TAFA4: variants seen among roughly 807,000 people sequenced by gnomAD.
The protein encoded by TAFA4 is chemokine-like protein TAFA-4.
A neutral mutation model predicts 21.1 loss-of-function variants in TAFA4; 20 were observed. The observed-to-expected ratio is 0.95, with a 90% confidence interval of 0.67 to 1.38. The LOEUF (loss-of-function observed/expected upper bound fraction) is 1.38. Ranked by LOEUF, TAFA4 falls within the 40% of genes most tolerant of loss-of-function variation. The probability of loss-of-function intolerance (pLI) is 0.00; values close to 1 mark genes in which losing one functional copy is unlikely to be tolerated. For synonymous variants in TAFA4, 71 were observed against 67.4 expected (o/e 1.05, Z -0.26); for missense variants, 211 against 180.9 (o/e 1.17, Z -0.95).
intron 1 of TAFA4, among the ~76,000 whole-genome samples, chr3:68,923,562 A>G (rs1359034182): frequency 1.3e-5 from 2 of 152,184 alleles, no homozygotes; most frequent in African/African-American, 2.4e-5. Flanking sequence ...ATGATTATCA[A>G]TTGACAAAGG....
At chr3:68,788,272 C>G (rs1168356558) in intron 3 of TAFA4, among the ~76,000 whole-genome samples, 4 of 152,168 alleles carry the variant, frequency 2.6e-5, no homozygotes, top group African/African-American at 9.7e-5. Flanking sequence ...TGCTGCTCCT[C>G]AAACATGCCA....
chr3:68,785,155 G>A (rs1274687460), intron 3 of TAFA4, among the ~76,000 whole-genome samples: 1 of 152,230 alleles, frequency 6.6e-6, no homozygotes, highest in Non-Finnish European at 1.5e-5. Context: ...TAAACATTGA[G>A]CTAGATACAG....
intron 1 of TAFA4, among the ~76,000 whole-genome samples, chr3:68,897,449 A>C (rs2089803068): frequency 6.6e-6 from 1 of 151,712 alleles, no homozygotes; most frequent in Admixed American, 6.6e-5. Flanking sequence ...AACATGGTGA[A>C]ACCCCATCTC....
At chr3:68,803,856 G>A (rs1703628612) in intron 3 of TAFA4, among the ~76,000 whole-genome samples, 1 of 128,556 alleles carries the variant, frequency 7.8e-6, no homozygotes. Context: ...CTAGGCTGGA[G>A]GGCAGTGGTG....
chr3:68,758,155 T>G lies in TAFA4; in HGVS notation c.131-5137A>C, dbSNP rs113843428. ...ACCAAGTAGAGCCTAAAATGGCATC[T>G]CCACCTCAGCAAGTCATGGGACATA... On this transcript the variant is annotated intron_variant, in intron 3 of 5. Coordinates refer to ENST00000295569, the MANE Select transcript of TAFA4 (RefSeq NM_182522.5). Among the ~76,000 whole-genome samples the G allele has an allele frequency of 6.9e-3, 1,051 of 152,356 alleles. 9 individuals carry two copies. The highest frequency in any genetic ancestry group is 0.024 in the African/African-American group (998 of 41,584).
chr3:68,808,452 C>A (rs1167494361), intron 3 of TAFA4, among the ~76,000 whole-genome samples: 1 of 152,184 alleles, frequency 6.6e-6, no homozygotes, highest in Admixed American at 6.5e-5. Flanking sequence ...CAAGTGTTGA[C>A]TATCTAGACC....
At chr3:68,853,158 T>G (rs1412142173) in intron 3 of TAFA4, among the ~76,000 whole-genome samples, 1 of 152,178 alleles carries the variant, frequency 6.6e-6, no homozygotes, top group Non-Finnish European at 1.5e-5. Context: ...CAGATAGATA[T>G]AAACTTAGAG....
chr3:68,858,600 G>GTGTGTGTA (rs1553648259), intron 3 of TAFA4, among the ~76,000 whole-genome samples: 1 of 151,624 alleles, frequency 6.6e-6, no homozygotes, highest in Non-Finnish European at 1.5e-5. Context: ...GTGTGTGTGT[G>GTGTGTGTA]TGTGTGTGTG....
chr3:68,761,311 ATGC>A (rs1702751496), intron 3 of TAFA4, among the ~76,000 whole-genome samples: 1 of 152,176 alleles, frequency 6.6e-6, no homozygotes, highest in Non-Finnish European at 1.5e-5. Flanking sequence ...TGACAAGCAC[ATGC>A]TAATATAACA....
rs1387071882 is a variant in TAFA4 at position 68,753,030 on chromosome 3, TG to T, written c.131-13del. ...GATTTGGTGGTGACCTAGTTGGTAA[TG>T]GGGGAGAAAAACAAACCCAGTGCTG... is the stretch of plus-strand genomic sequence containing the variant. On this transcript the variant is annotated splice_polypyrimidine_tract_variant and intron_variant, in intron 3 of 5. Transcript: ENST00000295569. 2 of 1,610,110 alleles carry T rather than the reference TG, an allele frequency of 1.2e-6. No individual in the cohort carries two copies. Among genetic ancestry groups the T allele is most frequent in the Non-Finnish European group, 8.5e-7 (1 of 1,177,184 alleles).
At chr3:68,786,841 T>C (rs1024211448) in intron 3 of TAFA4, among the ~76,000 whole-genome samples, 18 of 152,202 alleles carry the variant, frequency 1.2e-4, no homozygotes, top group African/African-American at 3.6e-4. Context: ...TGGGTAGGTC[T>C]GAGAAAATTT....
chr3:68,882,051 G>C (rs2089624835), intron 2 of TAFA4, among the ~76,000 whole-genome samples: 1 of 152,154 alleles, frequency 6.6e-6, no homozygotes, highest in African/African-American at 2.4e-5. Context: ...ATTGATTTGA[G>C]ATTTGGTCTG....
intron 3 of TAFA4, among the ~76,000 whole-genome samples, chr3:68,821,340 T>TAAGAGAAAACAAG (rs1559532889): frequency 1.5e-4 from 2 of 13,060 alleles, no homozygotes; most frequent in African/African-American, 7.3e-4. Context: ...TTTTTTTTTT[T>TAAGAGAAAACAAG]TTTTTTTTTT....
intron 3 of TAFA4, among the ~76,000 whole-genome samples, chr3:68,877,766 C>G (rs1261816576): frequency 6.6e-6 from 1 of 152,204 alleles, no homozygotes; most frequent in Admixed American, 6.5e-5. Flanking sequence ...AAGGCTCTGA[C>G]CACATCTACC....
chr3:68,898,488 A>T (rs1482226176), intron 1 of TAFA4, among the ~76,000 whole-genome samples: 1 of 152,138 alleles, frequency 6.6e-6, no homozygotes, highest in African/African-American at 2.4e-5. Flanking sequence ...CTCTACTAAA[A>T]ACACAAAATT....
chr3:68,855,914 G>A (rs181951944), intron 3 of TAFA4, among the ~76,000 whole-genome samples: 43 of 152,178 alleles, frequency 2.8e-4, no homozygotes, highest in African/African-American at 8.9e-4. Flanking sequence ...CCGTGTACCT[G>A]TTTTCCTTTG....
intron 1 of TAFA4, among the ~76,000 whole-genome samples, chr3:68,920,639 ATTT>A (rs367598663): frequency 1.0e-4 from 13 of 130,192 alleles, no homozygotes; most frequent in Admixed American, 2.3e-4. Context: ...TTTTTCTCTA[ATTT>A]TTTTTTTTTT....
At chr3:68,900,240 TTAATAATAATAATAATAA>T (rs3048092) in intron 1 of TAFA4, among the ~76,000 whole-genome samples, 3,408 of 132,818 alleles carry the variant, frequency 0.026, 135 homozygotes, top group African/African-American at 0.089. Flanking sequence ...AGACTCTCTC[TTAATAATAATAATAATAA>T]TAATAATAAT....
At chr3:68,882,035 T>C (rs1428121020) in intron 2 of TAFA4, among the ~76,000 whole-genome samples, 1 of 152,220 alleles carries the variant, frequency 6.6e-6, no homozygotes, top group Non-Finnish European at 1.5e-5. Context: ...AAAGGGTGTA[T>C]TGCTCATTGA....
Sources: gnomAD v4.1 joint callset for allele counts (sites outside exome capture counted in the v4.1 genomes callset) on GRCh38, gnomAD v4.1.1 for gene constraint, MANE v1.5 for transcripts, NCBI Gene and HGNC (gene_info 2026-07-23, HGNC 2026-07-21) for gene names.